TSBP1: variants seen among roughly 807,000 people sequenced by gnomAD.
TSBP1 encodes testis-expressed basic protein 1.
Under a neutral mutation model 68.8 loss-of-function variants are expected in TSBP1, and 56 were observed. The observed-to-expected ratio is 0.81, with a 90% CI of 0.66 to 1.02. TSBP1 has a LOEUF of 1.02. TSBP1 is among the 50% of genes least tolerant of loss of function. The probability of loss-of-function intolerance (pLI) is 0.00; values close to 1 mark genes in which losing one functional copy is unlikely to be tolerated. For missense variants in TSBP1, 502 were observed against 641.2 expected (o/e 0.78, Z 2.34); for synonymous variants, 171 against 208.7 (o/e 0.82, Z 1.56).
intron 17 of TSBP1, 46 bp downstream of exon 18, chr6:32,323,545 A>G: frequency 6.3e-7 from 1 of 1,589,402 alleles, no homozygotes; most frequent in Non-Finnish European, 8.6e-7. Flanking sequence ...TGCAGGGAAC[A>G]ACAAGAACAA....
chr6:32,353,575 G>A (rs1771942018), intron 8 of TSBP1, among the ~76,000 whole-genome samples: 1 of 151,944 alleles, frequency 6.6e-6, no homozygotes, highest in African/African-American at 2.4e-5. Context: ...AAATTCTTGT[G>A]TAAGAGAAAA....
chr6:32,323,690 T>G (rs561926904), intron 16 of TSBP1, 76 bp from the exon 18 acceptor site: 1 of 1,349,956 alleles, frequency 7.4e-7, no homozygotes, highest in East Asian at 2.3e-5. Context: ...GAGTTTCTTC[T>G]TGGTAGGTCA....
At chr6:32,369,764 A>G (rs1774181830) in intron 2 of TSBP1, 133 bp downstream of exon 2, 1 of 775,986 alleles carries the variant, frequency 1.3e-6, no homozygotes. Context: ...TGACTCAAGT[A>G]TTGAAACAGA....
At chr6:32,358,204 C>T (rs1032693476) in intron 6 of TSBP1, among the ~76,000 whole-genome samples, 63 of 152,160 alleles carry the variant, frequency 4.1e-4, no homozygotes, top group African/African-American at 1.4e-3. Context: ...TTTGCTTATC[C>T]GTGTACCCTT....
At chr6:32,326,009 A>G (rs1768180139) in intron 16 of TSBP1, 3 of 1,539,002 alleles carry the variant, frequency 1.9e-6, no homozygotes, top group Admixed American at 1.7e-5. Context: ...GATTTTGGCA[A>G]TTACAACAAT....
intron 22 of TSBP1, among the ~76,000 whole-genome samples, chr6:32,295,914 G>A (rs891457687): frequency 6.7e-6 from 1 of 148,556 alleles, no homozygotes; most frequent in Non-Finnish European, 1.5e-5. Flanking sequence ...GCACGATCTC[G>A]GCTCACCGCA....
Position 32,365,404 on chromosome 6 carries a change from A to C in TSBP1, c.217+763T>G, listed in dbSNP as rs1320697885. ...GGACTCAGCCTAGATGGGAGAGTGA[A>C]ATGTGTGAAAGGCATGCCTGTGGGT... is the stretch of plus-strand genomic sequence containing the variant. On this transcript the variant is annotated intron_variant, in intron 6 of 22. Transcript: ENST00000612031. This position sits in a 1 kb window ranked among gnomAD's most constrained non-coding sequence, Gnocchi z 4.3. 1 of 457,164 alleles carries C rather than the reference A, an allele frequency of 2.2e-6. No individual in the cohort carries two copies. The highest frequency in any genetic ancestry group is 4.4e-6 in the Non-Finnish European group (1 of 227,068). The allele number at this position is 457,164 out of a possible 1,614,324, so 28.3% of individuals were successfully genotyped here.
intron 22 of TSBP1, 65 bp from the exon 26 acceptor site, chr6:32,294,100 C>T: frequency 6.3e-7 from 1 of 1,577,242 alleles, no homozygotes; most frequent in South Asian, 1.2e-5. Flanking sequence ...CTATTTTTTT[C>T]CCCTTGATAC....
In TSBP1 at chr6:32,367,973, G is replaced by C; in HGVS notation, c.134-16C>G. 1 of 1,596,960 alleles carries C rather than the reference G, an allele frequency of 6.3e-7. No individual in the cohort carries two copies. Reference sequence around the variant, plus strand: ...AGTCTAGCACCTAGAAAAAAAGGGAGAGCACATGATTTTGCTTCTTGATTA... The same window carrying C: ...AGTCTAGCACCTAGAAAAAAAGGGACAGCACATGATTTTGCTTCTTGATTA... On this transcript the variant is annotated splice_polypyrimidine_tract_variant and intron_variant, in intron 3 of 22. Coordinates refer to ENST00000612031, the Ensembl canonical transcript of TSBP1.
At position 32,336,471 on chromosome 6, in the gene TSBP1, C is replaced by T. The variant is rs1322599268; in HGVS notation, c.430+144G>A. 1.5e-5 allele frequency: 10 copies of T among 668,936 alleles called. No individual in the cohort carries two copies. The Admixed American group carries it at 2.4e-4, about 16-fold the overall frequency. The allele number at this position is 668,936 out of a possible 1,614,324, so 41.4% of individuals were successfully genotyped here. On this transcript the variant is annotated intron_variant, in intron 12 of 22. Coordinates refer to ENST00000612031, the Ensembl canonical transcript of TSBP1. This position sits in a 1 kb window ranked among gnomAD's most constrained non-coding sequence, Gnocchi z 5.2. ...CTAAACCTCAGCATCACACAATATA[C>T]CCATTAGCAAACCTGCATATGCACC...
At chr6:32,369,759 C>A in intron 2 of TSBP1, 138 bp downstream of exon 2, 1 of 769,720 alleles carries the variant, frequency 1.3e-6, no homozygotes, top group South Asian at 1.4e-5. Context: ...TTCTTTGACT[C>A]AAGTATTGAA....
At chr6:32,293,415 C>G in exon 23 of TSBP1, 1 of 1,612,952 alleles carries the variant, frequency 6.2e-7, no homozygotes, top group Non-Finnish European at 8.5e-7. Context: ...CCTTTTGGTA[C>G]CTTCAACTCA....
At chr6:32,369,534 C>T (rs543975332) in intron 2 of TSBP1, among the ~76,000 whole-genome samples, 1 of 152,132 alleles carries the variant, frequency 6.6e-6, no homozygotes, top group East Asian at 1.9e-4. Context: ...CCATGCCCAG[C>T]TAATTTTTGT....
At chr6:32,308,311 T>C (rs2127572014) in intron 19 of TSBP1, among the ~76,000 whole-genome samples, 1 of 152,048 alleles carries the variant, frequency 6.6e-6, no homozygotes, top group East Asian at 1.9e-4. Context: ...TTTTTAACCC[T>C]CATTTAAAAA....
intron 19 of TSBP1, among the ~76,000 whole-genome samples, chr6:32,309,675 G>T (rs919192679): frequency 6.6e-6 from 1 of 152,178 alleles, no homozygotes; most frequent in East Asian, 1.9e-4. Flanking sequence ...CATACAATGT[G>T]TAATAATGTG....
chr6:32,331,426 G>T (rs750948743), intron 15 of TSBP1, among the ~76,000 whole-genome samples: 6 of 152,104 alleles, frequency 3.9e-5, no homozygotes, highest in Non-Finnish European at 8.8e-5. Context: ...ATAATTGGTT[G>T]CCCAGAGAGA....
At chr6:32,322,489 C>G (rs776442574) in intron 18 of TSBP1, 2 of 1,603,264 alleles carry the variant, frequency 1.2e-6, no homozygotes, top group South Asian at 2.2e-5. Context: ...TACTTACTTG[C>G]GGTTCTCTGT....
intron 19 of TSBP1, among the ~76,000 whole-genome samples, chr6:32,307,707 A>T: frequency 6.6e-6 from 1 of 150,960 alleles, no homozygotes. Flanking sequence ...CTATAAGCTC[A>T]CAACTTTCAC....
At chr6:32,309,578 G>C (rs1766160258) in intron 19 of TSBP1, among the ~76,000 whole-genome samples, 1 of 143,912 alleles carries the variant, frequency 6.9e-6, no homozygotes, top group Non-Finnish European at 1.6e-5. Flanking sequence ...ATATTGTTCT[G>C]TTGTATTCTT....
Sources: gnomAD v4.1 joint callset for allele counts (sites outside exome capture counted in the v4.1 genomes callset) on GRCh38, gnomAD v4.1.1 for gene constraint, Gnocchi (gnomAD v3.1) non-coding constraint, MANE v1.5 for transcripts, NCBI Gene and HGNC (gene_info 2026-07-23, HGNC 2026-07-21) for gene names.